RSPRY1: variants seen among roughly 807,000 people sequenced by gnomAD.
The protein encoded by RSPRY1 is ring finger and SPRY domain containing 1.
In RSPRY1, 23 loss-of-function variants were observed where a neutral mutation model predicts 73.1. The observed-to-expected ratio is 0.31, with a 90% confidence interval of 0.23 to 0.45. The LOEUF (loss-of-function observed/expected upper bound fraction) is 0.45, where lower values mean the gene tolerates loss of function less well. Ranked by LOEUF, RSPRY1 falls within the 20% of genes least tolerant of loss-of-function variation. The pLI, the probability that RSPRY1 is intolerant of heterozygous loss-of-function variation, is 1.00. For missense variants in RSPRY1, 448 were observed against 698.7 expected, an observed-to-expected ratio of 0.64 and a Z score of 4.05; for synonymous variants, 226 against 251.4, an observed-to-expected ratio of 0.90 and a Z score of 0.95.
chr16:57,220,539 T>G, intron 8 of RSPRY1, 193 bp from the exon 9 acceptor site: 1 of 365,838 alleles, frequency 2.7e-6, no homozygotes, highest in East Asian at 4.2e-5. Flanking sequence ...GTTCTAATAG[T>G]TTTTGGCAGA....
At chr16:57,236,028 C>A (rs928826199) in intron 14 of RSPRY1, among the ~76,000 whole-genome samples, 2 of 152,192 alleles carry the variant, frequency 1.3e-5, no homozygotes, top group Non-Finnish European at 2.9e-5. Context: ...CTTAGCTATA[C>A]CAGCCTCTCT....
chr16:57,187,953 G>T (rs7197204), intron 1 of RSPRY1, among the ~76,000 whole-genome samples: 67,544 of 151,948 alleles, frequency 0.44, 15,175 homozygotes, highest in Non-Finnish European at 0.48. Flanking sequence ...TTTCCTCTAA[G>T]TAATTTGATC....
At chr16:57,207,483 G>A (rs529170629) in intron 2 of RSPRY1, 23 of 415,794 alleles carry the variant, frequency 5.5e-5, no homozygotes, top group African/African-American at 4.1e-4. Context: ...GAATTAAGGT[G>A]TATAATGCCA....
At chr16:57,216,778 T>A in intron 7 of RSPRY1, 126 bp from the exon 8 acceptor site, 1 of 884,890 alleles carries the variant, frequency 1.1e-6, no homozygotes, top group Non-Finnish European at 1.8e-6. Context: ...CTAGAAATTT[T>A]AATTGAAGTC....
intron 1 of RSPRY1, among the ~76,000 whole-genome samples, chr16:57,187,983 C>G (rs1396787832): frequency 1.3e-5 from 2 of 152,192 alleles, no homozygotes; most frequent in Admixed American, 1.3e-4. Flanking sequence ...TAAACCTCCT[C>G]CCCCTTTTGC....
intron 8 of RSPRY1, chr16:57,219,900 T>A (rs1161110075): frequency 6.6e-6 from 1 of 152,216 alleles, no homozygotes; most frequent in Non-Finnish European, 1.5e-5. Context: ...CCAGCACCAT[T>A]TATTGAAGAC....
rs1201283602 is a variant in RSPRY1 at position 57,231,048 on chromosome 16, C to A, written c.1377-119C>A. On this transcript the variant is annotated intron_variant, in intron 12 of 14. Transcript: ENST00000394420. The stretch of plus-strand genomic sequence containing the variant: ...TGTGGGTTATAAACACAGTCTGTCA[C>A]TCTTCCTTTCTGCCAGGGTAGGATT... 3.2e-6 allele frequency: 3 copies of A among 925,476 alleles called. No individual in the cohort carries two copies. The African/African-American group carries it at 5.0e-5, about 15-fold the overall frequency. The allele number at this position is 925,476 out of a possible 1,614,324, so 57.3% of individuals were successfully genotyped here.
At chr16:57,210,435 G>T (rs2074818410) in intron 4 of RSPRY1, among the ~76,000 whole-genome samples, 1 of 152,164 alleles carries the variant, frequency 6.6e-6, no homozygotes, top group Admixed American at 6.5e-5. Context: ...GGGCGCGGTG[G>T]TTCACGCCTG....
chr16:57,186,998 A>T (rs1438945259), intron 1 of RSPRY1: 1 of 152,294 alleles, frequency 6.6e-6, no homozygotes, highest in Non-Finnish European at 1.5e-5. Flanking sequence ...GCTAGGAAGC[A>T]GGAGCTAGAA....
intron 14 of RSPRY1, among the ~76,000 whole-genome samples, chr16:57,237,831 G>A (rs2075323664): frequency 1.3e-5 from 2 of 152,024 alleles, no homozygotes; most frequent in Non-Finnish European, 2.9e-5. Flanking sequence ...TCCTGCCTCA[G>A]CCTCCCAAGT....
At chr16:57,210,165 A>G (rs1445519239) in intron 4 of RSPRY1, among the ~76,000 whole-genome samples, 4 of 150,718 alleles carry the variant, frequency 2.7e-5, no homozygotes, top group African/African-American at 7.3e-5. Flanking sequence ...TGTATCCTCA[A>G]CCTCTCAGGT....
intron 1 of RSPRY1, among the ~76,000 whole-genome samples, chr16:57,201,608 G>C (rs1379362013): frequency 6.6e-6 from 1 of 152,252 alleles, no homozygotes; most frequent in South Asian, 2.1e-4. Context: ...AAGGCAGGCA[G>C]CTGGGGAGGT....
At position 57,205,018 on chromosome 16, in the gene RSPRY1, T is replaced by A. The variant is rs754098345; in HGVS notation, c.350+10T>A. ...GGACTCTTGTAGATAAGTAAGTATC[T>A]GACTCACGGTCACCTCCAGTGGAAT... On this transcript the variant is annotated intron_variant, in intron 2 of 14. Transcript: ENST00000394420. 6.3e-7 allele frequency: 1 copy of A among 1,592,576 alleles called. No individual in the cohort carries two copies. The highest frequency in any genetic ancestry group is 8.6e-7 in the Non-Finnish European group (1 of 1,163,340).
chr16:57,186,986 G>C (rs1474286503), intron 1 of RSPRY1: 8 of 152,292 alleles, frequency 5.3e-5, no homozygotes, highest in Admixed American at 4.6e-4. Context: ...AGAGAGAATG[G>C]GGCTAGGAAG....
chr16:57,221,224 G>T, intron 9 of RSPRY1, 48 bp from the exon 10 acceptor site: 1 of 1,600,434 alleles, frequency 6.2e-7, no homozygotes, highest in Non-Finnish European at 8.5e-7. Flanking sequence ...TATCTTTGGT[G>T]GTCTTCAGGC....
In RSPRY1 at chr16:57,221,337, G is replaced by A; in HGVS notation, c.1083G>A (p.Trp361Ter). Residue 361 changes from tryptophan to a stop codon, truncating the protein, a stop_gained, in exon 10 of 15, where the codon TGG (tryptophan) becomes TGA (stop). Transcript: ENST00000394420. LOFTEE classifies it high-confidence loss of function. ...CCTTTTGTGTGGATGCCGGGGTATG[G>A]TACTATGAAGTAACAGTGGTCACTT... Reference protein sequence around the residue: ...RCTFCVDAGVWYYEVTVVTSG... With the variant: ...RCTFCVDAGV 5 of 1,614,048 alleles carry A rather than the reference G, an allele frequency of 3.1e-6. No individual in the cohort carries two copies. The highest frequency in any genetic ancestry group is 4.2e-6 in the Non-Finnish European group (5 of 1,180,020).
chr16:57,199,260 C>T (rs765289789), intron 1 of RSPRY1, among the ~76,000 whole-genome samples: 5 of 152,114 alleles, frequency 3.3e-5, no homozygotes, highest in African/African-American at 7.2e-5. Flanking sequence ...TTTGGTAGGC[C>T]GAGGCGGGCG....
Position 57,235,212 on chromosome 16 carries a change from A to G in RSPRY1, c.1618A>G (p.Lys540Glu). 6.2e-7 allele frequency: 1 copy of G among 1,613,132 alleles called. No individual in the cohort carries two copies. The highest frequency in any genetic ancestry group is 8.5e-7 in the Non-Finnish European group (1 of 1,179,070). Reference sequence around the variant, plus strand: ...TGATGAGGTAGCAGACACACAATTGAAGCCATGTGGACACAGGTAAGAGGA... The same window carrying G: ...TGATGAGGTAGCAGACACACAATTGGAGCCATGTGGACACAGGTAAGAGGA... ...CCDEVADTQL[K>E]PCGHSDLCMD... Residue 540 changes from lysine to glutamate, a missense_variant, in exon 14 of 15, where the codon AAG (lysine) becomes GAG (glutamate). Physicochemically the swap from Lys to Glu is moderately conservative, Grantham distance 56. Transcript: ENST00000394420.
chr16:57,213,474 A>C (rs1189928689), intron 5 of RSPRY1, among the ~76,000 whole-genome samples: 1 of 152,248 alleles, frequency 6.6e-6, no homozygotes, highest in African/African-American at 2.4e-5. Flanking sequence ...GAAGACATAC[A>C]AGGTAGAGGG....
Sources: allele counts gnomAD v4.1 joint callset (sites outside exome capture counted in the v4.1 genomes callset), GRCh38; gene constraint gnomAD v4.1.1; transcripts MANE v1.5; gene names NCBI Gene and HGNC (gene_info 2026-07-23, HGNC 2026-07-21).